The following AGBL1 variants were observed in gnomAD, a reference collection of about 807,000 sequenced individuals.
AGBL1 encodes the protein cytosolic carboxypeptidase 4.
Under a neutral mutation model 118.9 loss-of-function variants are expected in AGBL1, and 130 were observed. The observed-to-expected ratio is 1.09, with a 90% CI of 0.95 to 1.26. The LOEUF (loss-of-function observed/expected upper bound fraction) is 1.26, where lower values mean the gene tolerates loss of function less well. AGBL1 is among the 50% of genes most tolerant of loss of function. The pLI, the probability that AGBL1 is intolerant of heterozygous loss-of-function variation, is 0.00. For synonymous variants in AGBL1, 555 were observed against 478.9 expected, an observed-to-expected ratio of 1.16 and a Z score of -2.08; for missense variants, 1,584 against 1,298.1, an observed-to-expected ratio of 1.22 and a Z score of -3.38.
At chr15:86,769,888 T>C (rs111801034) in intron 22 of AGBL1, among the ~76,000 whole-genome samples, 20 of 152,040 alleles carry the variant, frequency 1.3e-4, no homozygotes, top group African/African-American at 4.1e-4. Flanking sequence ...GAAAGGCAGA[T>C]TGAAAGGCTT....
chr15:86,493,415 A>C (rs2082808626), intron 18 of AGBL1, among the ~76,000 whole-genome samples: 1 of 151,964 alleles, frequency 6.6e-6, no homozygotes, highest in African/African-American at 2.4e-5. Flanking sequence ...GAATGGAGAG[A>C]CATTTAGAAG....
chr15:86,253,439 C>T (rs544476443), intron 7 of AGBL1, among the ~76,000 whole-genome samples: 26 of 152,040 alleles, frequency 1.7e-4, no homozygotes, highest in Admixed American at 1.3e-3. Context: ...TTAGTAGAGA[C>T]GGGATTTCAC....
intron 22 of AGBL1, among the ~76,000 whole-genome samples, chr15:86,702,782 T>C (rs957096523): frequency 2.9e-4 from 44 of 152,148 alleles, no homozygotes; most frequent in African/African-American, 1.1e-3. Context: ...TTGCTTGTCT[T>C]CGTCTGCTGG....
In AGBL1 at chr15:86,346,812, G is replaced by A. The variant is rs574816949; in HGVS notation, c.2375-50554G>A. Among the ~76,000 whole-genome samples the A allele has an allele frequency of 3.9e-5, 6 of 152,328 alleles. No homozygotes were observed. In the South Asian group the frequency reaches 1.2e-3, roughly 32 times the overall value. On this transcript the variant is annotated intron_variant, in intron 17 of 22. Coordinates refer to ENST00000614907, the MANE Select transcript of AGBL1 (RefSeq NM_001386094.1). ...GCTTAACATCCACAGGAAGAAGCTT[G>A]TGCTTGTATACCTCTGTTGGAAGCT...
At chr15:86,227,931 A>C (rs1314827461) in intron 6 of AGBL1, among the ~76,000 whole-genome samples, 1 of 152,230 alleles carries the variant, frequency 6.6e-6, no homozygotes, top group African/African-American at 2.4e-5. Flanking sequence ...GAGAATTCTG[A>C]GATCATGTTT....
intron 5 of AGBL1, among the ~76,000 whole-genome samples, chr15:86,188,980 T>C (rs941245343): frequency 6.6e-6 from 1 of 152,204 alleles, no homozygotes; most frequent in Admixed American, 6.6e-5. Context: ...GAATTAACTG[T>C]ACATGAATAG....
At chr15:86,108,737 T>A (rs531810308) in intron 1 of AGBL1, among the ~76,000 whole-genome samples, 1 of 152,212 alleles carries the variant, frequency 6.6e-6, no homozygotes, top group African/African-American at 2.4e-5. Context: ...GACGGGCGGA[T>A]CACGAGGTCA....
upstream of AGBL1, chr15:86,079,791 T>G (rs1597367873): frequency 7.5e-6 from 3 of 397,908 alleles, no homozygotes. Flanking sequence ...AGTCGGTGGG[T>G]ATTCACGCCT....
chr15:86,517,735 C>G (rs911425742), intron 18 of AGBL1, among the ~76,000 whole-genome samples: 2 of 152,262 alleles, frequency 1.3e-5, no homozygotes, highest in South Asian at 4.1e-4. Flanking sequence ...CCCTGACAAC[C>G]CTGGTTGTTT....
chr15:86,902,003 C>A (rs140443679), intron 22 of AGBL1, among the ~76,000 whole-genome samples: 1 of 151,506 alleles, frequency 6.6e-6, no homozygotes, highest in Non-Finnish European at 1.5e-5. Flanking sequence ...ACAGTTCATT[C>A]ACCATTCACC....
chr15:86,827,909 T>C (rs2079051533), intron 22 of AGBL1, among the ~76,000 whole-genome samples: 1 of 145,288 alleles, frequency 6.9e-6, no homozygotes, highest in Admixed American at 7.1e-5. Context: ...TACATACAAT[T>C]AACATAGTCT....
At chr15:86,638,996 G>A (rs1038069561) in intron 21 of AGBL1, among the ~76,000 whole-genome samples, 13 of 152,130 alleles carry the variant, frequency 8.5e-5, no homozygotes, top group African/African-American at 3.1e-4. Flanking sequence ...TCGGCTGGAG[G>A]CCACTCTGTT....
At chr15:86,352,481 CTT>C (rs543883282) in intron 17 of AGBL1, among the ~76,000 whole-genome samples, 3 of 143,306 alleles carry the variant, frequency 2.1e-5, no homozygotes, top group African/African-American at 2.5e-5. Flanking sequence ...TTTTCCTTTA[CTT>C]TTTTTTTTTT....
chr15:86,160,213 G>A (rs759789363), intron 5 of AGBL1, among the ~76,000 whole-genome samples: 56 of 150,080 alleles, frequency 3.7e-4, no homozygotes, highest in Middle Eastern at 3.4e-3. Context: ...TTGCAAGGTG[G>A]AATTCAATTA....
intron 3 of AGBL1, among the ~76,000 whole-genome samples, chr15:86,146,220 A>G (rs1243166428): frequency 1.3e-5 from 2 of 152,198 alleles, no homozygotes; most frequent in African/African-American, 4.8e-5. Context: ...TTAACCTTGG[A>G]TTGAAAATAT....
intron 2 of AGBL1, among the ~76,000 whole-genome samples, chr15:86,143,451 CTATT>C (rs1253153931): frequency 6.6e-6 from 1 of 152,164 alleles, no homozygotes; most frequent in Non-Finnish European, 1.5e-5. Flanking sequence ...CAGATAAGCT[CTATT>C]TATTACAGCT....
chr15:87,008,211 C>T (rs1305751871), intron 24 of AGBL1, among the ~76,000 whole-genome samples: 2 of 152,178 alleles, frequency 1.3e-5, no homozygotes, highest in Non-Finnish European at 2.9e-5. Context: ...CTCTCCCCAC[C>T]CGGATCTCAT....
intron 21 of AGBL1, among the ~76,000 whole-genome samples, chr15:86,642,219 A>T (rs1408029264): frequency 2.0e-5 from 3 of 152,228 alleles, no homozygotes; most frequent in Admixed American, 2.0e-4. Flanking sequence ...AACTATAATC[A>T]GAAGGGTTGA....
chr15:86,081,581 A>G (rs1255105105), intron 1 of AGBL1, among the ~76,000 whole-genome samples: 1 of 152,196 alleles, frequency 6.6e-6, no homozygotes, highest in African/African-American at 2.4e-5. Flanking sequence ...TGGAGGCAGG[A>G]GTGGACCTCA....
Sources: gnomAD v4.1 joint callset for allele counts (sites outside exome capture counted in the v4.1 genomes callset) on GRCh38, gnomAD v4.1.1 for gene constraint, MANE v1.5 for transcripts, NCBI Gene and HGNC (gene_info 2026-07-23, HGNC 2026-07-21) for gene names.